Variants in LRIF1 observed in about 807,000 individuals in gnomAD.
LRIF1 encodes the protein ligand-dependent nuclear receptor-interacting factor 1.
Under a neutral mutation model 52.7 loss-of-function variants are expected in LRIF1, and 32 were observed. The observed-to-expected ratio is 0.61, with a 90% CI of 0.46 to 0.82. LRIF1 has a LOEUF of 0.82. Among genes scored for constraint, LRIF1 ranks in the 40% least tolerant of loss-of-function variants. LRIF1 has a pLI of 0.00. For synonymous variants in LRIF1, 323 were observed against 317.4 expected (o/e 1.02, Z -0.19); for missense variants, 887 against 892.0 (o/e 0.99, Z 0.07).
the LRIF1 span, among the ~76,000 whole-genome samples, chr1:110,927,562 G>A: frequency 6.6e-6 from 1 of 152,096 alleles, no homozygotes; most frequent in Non-Finnish European, 1.5e-5. Flanking sequence ...ACCTGGCCAA[G>A]GAGTAAGAGA....
the LRIF1 span, chr1:110,899,229 C>G: frequency 1.7e-3 from 2,488 of 1,505,786 alleles, 5 homozygotes; most frequent in Non-Finnish European, 2.1e-3. Flanking sequence ...AGACTTGTTT[C>G]ATCTCCGGAA....
At chr1:110,886,845 C>CAAGATA in the LRIF1 span, among the ~76,000 whole-genome samples, 1 of 38,904 alleles carries the variant, frequency 2.6e-5, no homozygotes, top group Non-Finnish European at 6.1e-5. Context: ...ACTCTGTCTC[C>CAAGATA]AATATATATA....
chr1:110,940,949 T>C, the LRIF1 span: 12 of 152,082 alleles, frequency 7.9e-5, no homozygotes, highest in Non-Finnish European at 1.6e-4. Flanking sequence ...AATAAGTTGA[T>C]TGAACATTTT....
At chr1:110,892,753 A>T in the LRIF1 span, 7 of 478,818 alleles carry the variant, frequency 1.5e-5, no homozygotes, top group Non-Finnish European at 2.6e-5. Context: ...CCTTGTAGCC[A>T]TTTTTATATT....
the LRIF1 span, among the ~76,000 whole-genome samples, chr1:110,922,744 A>G: frequency 6.6e-6 from 1 of 152,236 alleles, no homozygotes; most frequent in South Asian, 2.1e-4. Flanking sequence ...ATAGTTCTGG[A>G]TATCAGATGC....
the LRIF1 span, among the ~76,000 whole-genome samples, chr1:110,879,394 C>T: frequency 6.6e-6 from 1 of 152,224 alleles, no homozygotes; most frequent in African/African-American, 2.4e-5. Context: ...CTAGACCTGT[C>T]TGATTCCAAA....
At chr1:110,957,023 T>C (rs962264198) in intron 1 of LRIF1, among the ~76,000 whole-genome samples, 7 of 152,136 alleles carry the variant, frequency 4.6e-5, no homozygotes, top group Admixed American at 2.0e-4. Flanking sequence ...TTACCTATCA[T>C]AGTTTCCACT....
chr1:110,963,873 A>C lies in LRIF1; in HGVS notation c.-185T>G. On this transcript the variant is annotated 5_prime_UTR_variant, in exon 1 of 4. Coordinates refer to ENST00000369763, the MANE Select transcript of LRIF1 (RefSeq NM_018372.4). ...AGAGGGTGTATCCCCAGGCTTCGGGACGAGGTCGCGCACCGCGCAGAAACC... is the reference window on the plus strand; with the variant it reads ...AGAGGGTGTATCCCCAGGCTTCGGGCCGAGGTCGCGCACCGCGCAGAAACC... The C allele has an allele frequency of 2.1e-6, 1 of 472,590 alleles. No homozygotes were observed. Among genetic ancestry groups the C allele is most frequent in the East Asian group, 3.3e-5 (1 of 30,426 alleles). The allele number at this position is 472,590 out of a possible 1,614,324, so 29.3% of individuals were successfully genotyped here.
chr1:110,892,384 C>A, the LRIF1 span: 1 of 1,613,924 alleles, frequency 6.2e-7, no homozygotes, highest in Non-Finnish European at 8.5e-7. Context: ...GATCTACCTG[C>A]TGATCCACAA....
the LRIF1 span, among the ~76,000 whole-genome samples, chr1:110,909,037 C>A: frequency 7.9e-5 from 12 of 152,178 alleles, no homozygotes; most frequent in South Asian, 2.1e-4. Flanking sequence ...TTAGCAGAAA[C>A]CTTACAGGCC....
chr1:110,879,421 CTG>C, the LRIF1 span, among the ~76,000 whole-genome samples: 2 of 152,228 alleles, frequency 1.3e-5, no homozygotes. Context: ...GTTTATCAAA[CTG>C]TGTTCCACAG....
chr1:110,879,996 G>T, the LRIF1 span, among the ~76,000 whole-genome samples: 5 of 152,306 alleles, frequency 3.3e-5, no homozygotes, highest in African/African-American at 4.8e-5. Flanking sequence ...AAATCCGCAG[G>T]TTCTACCAGC....
At position 110,963,513 on chromosome 1, in the gene LRIF1, G is replaced by C. The variant is rs1659054151; in HGVS notation, c.68+108C>G. On this transcript the variant is annotated intron_variant, in intron 1 of 3. Coordinates refer to ENST00000369763, the MANE Select transcript of LRIF1 (RefSeq NM_018372.4). ...TTCCCGCCTGGGTGGCGCACTCTGC[G>C]GGCTCCAACTCCTCTCAACTACACA... 4.7e-6 allele frequency: 4 copies of C among 852,148 alleles called. No individual in the cohort carries two copies. In the South Asian group the frequency reaches 5.8e-5, roughly 12 times the overall value. The allele number at this position is 852,148 out of a possible 1,614,324, so 52.8% of individuals were successfully genotyped here. A position where few individuals can be genotyped will look rare whatever the true frequency, so the allele number is the denominator to read the frequency against.
chr1:110,886,869 A>ATTT, the LRIF1 span, among the ~76,000 whole-genome samples: 2,952 of 82,706 alleles, frequency 0.036, 80 homozygotes, highest in African/African-American at 0.049. Flanking sequence ...ATATATATAT[A>ATTT]TTTTTTTTTT....
chr1:110,957,470 C>CAAAAAAAAAAAAAAAAAAAAAAA (rs34396800), intron 1 of LRIF1, among the ~76,000 whole-genome samples: 4 of 42,792 alleles, frequency 9.3e-5, no homozygotes, highest in Non-Finnish European at 1.1e-4. Context: ...GACTCAGTCT[C>CAAAAAAAAAAAAAAAAAAAAAAA]AAAAAAAAAA....
At chr1:110,887,792 C>T in the LRIF1 span, among the ~76,000 whole-genome samples, 28 of 152,298 alleles carry the variant, frequency 1.8e-4, no homozygotes, top group African/African-American at 5.3e-4. Flanking sequence ...TATCCTTGGG[C>T]AGTTTTGTAC....
chr1:110,898,662 T>TA, the LRIF1 span, among the ~76,000 whole-genome samples: 1 of 149,102 alleles, frequency 6.7e-6, no homozygotes, highest in African/African-American at 2.5e-5. Flanking sequence ...TCCTTTTTAA[T>TA]AAAAAAGGAC....
At chr1:110,906,692 G>A in the LRIF1 span, among the ~76,000 whole-genome samples, 1 of 151,958 alleles carries the variant, frequency 6.6e-6, no homozygotes, top group Admixed American at 6.6e-5. Context: ...ATACCCACAG[G>A]AAACTATCAT....
chr1:110,904,039 C>G, the LRIF1 span, among the ~76,000 whole-genome samples: 3 of 152,250 alleles, frequency 2.0e-5, no homozygotes, highest in African/African-American at 4.8e-5. Flanking sequence ...TGAGGCTCCT[C>G]TCCTTTGGAA....
Sources: allele counts gnomAD v4.1 joint callset (sites outside exome capture counted in the v4.1 genomes callset), GRCh38; gene constraint gnomAD v4.1.1; transcripts MANE v1.5; gene names NCBI Gene and HGNC (gene_info 2026-07-23, HGNC 2026-07-21).